Variants in ZNF850 observed in about 807,000 individuals in gnomAD.
ZNF850 encodes putative zinc finger protein ENSP00000330994.
Under a neutral mutation model 11.9 loss-of-function variants are expected in ZNF850, and 2 were observed. The ratio of observed to expected loss-of-function variants is 0.17; its 90% CI spans 0.07 to 0.53. The LOEUF (loss-of-function observed/expected upper bound fraction) is 0.53. ZNF850 is among the 20% of genes least tolerant of loss of function. ZNF850 has a pLI of 0.94. For synonymous variants in ZNF850, 381 were observed against 443.0 expected (o/e 0.86, Z 1.76); for missense variants, 1,014 against 1,316.4 (o/e 0.77, Z 3.55).
chr19:36,763,918 C>G (rs2040534003), intron 1 of ZNF850, among the ~76,000 whole-genome samples: 1 of 150,594 alleles, frequency 6.6e-6, no homozygotes, highest in East Asian at 2.0e-4. Context: ...AGCCTAGGCA[C>G]CAGAGCAAGA....
At chr19:36,759,550 T>C (rs1274489884) in intron 4 of ZNF850, among the ~76,000 whole-genome samples, 3 of 152,096 alleles carry the variant, frequency 2.0e-5, no homozygotes, top group African/African-American at 7.2e-5. Context: ...ATCCAGGACT[T>C]GCTTTAGTTA....
At chr19:36,762,897 T>G (rs1296201040) in intron 1 of ZNF850, among the ~76,000 whole-genome samples, 4 of 152,018 alleles carry the variant, frequency 2.6e-5, no homozygotes, top group African/African-American at 9.7e-5. Flanking sequence ...TTTTTGTTTT[T>G]GTTTTCGTTT....
intron 4 of ZNF850, among the ~76,000 whole-genome samples, chr19:36,758,522 C>T (rs1239813431): frequency 6.6e-6 from 1 of 151,968 alleles, no homozygotes; most frequent in African/African-American, 2.4e-5. Context: ...GCTGGGATTA[C>T]AGGCATGCAG....
Position 36,746,312 on chromosome 19 carries a change from A to C in ZNF850, c.*1455T>G, listed in dbSNP as rs1026484368. 1.3e-5 allele frequency: 2 copies of C among 152,234 alleles called. No homozygotes were observed. Among genetic ancestry groups the C allele is most frequent in the African/African-American group, 2.4e-5 (1 of 41,468 alleles). 9.4% of individuals were successfully genotyped at this position (152,234 alleles called of 1,614,324 possible). ...GCACCACTACTTGTTTTAGGGCATC[A>C]CAAACTGTGTCCATATAAGACAGCA... On this transcript the variant is annotated 3_prime_UTR_variant, in exon 5 of 5. Coordinates refer to ENST00000591344, the MANE Select transcript of ZNF850 (RefSeq NM_001193552.2).
In ZNF850 at chr19:36,750,032, C is replaced by A. The variant is rs186783800; in HGVS notation, c.1008G>T (p.Pro336=). 6.5e-7 allele frequency: 1 copy of A among 1,535,992 alleles called. No homozygotes were observed. Among genetic ancestry groups the A allele is most frequent in the Middle Eastern group, 1.7e-4 (1 of 5,956 alleles). Residue 336 remains proline (P), a synonymous_variant, in exon 5 of 5, where the codon CCG becomes CCT. Coordinates refer to ENST00000591344, the MANE Select transcript of ZNF850 (RefSeq NM_001193552.2). ...ATTTTCCACATTCCTTACAATCATA[C>A]GGTTTCTCACCAGTGTGAATTTGCT... ...RHQQIHTGEK[P]YDCKECGKSF... is the part of the protein sequence containing the mutation.
intron 1 of ZNF850, among the ~76,000 whole-genome samples, chr19:36,771,684 A>T (rs1006034166): frequency 2.0e-5 from 3 of 152,138 alleles, no homozygotes; most frequent in African/African-American, 7.2e-5. Flanking sequence ...AGTCTAAAGC[A>T]TGTCCAAAAA....
In ZNF850 at chr19:36,749,150, T is replaced by C. The variant is rs766972564; in HGVS notation, c.1890A>G (p.Leu630=). Residue 630 remains leucine (L), a synonymous_variant, in exon 5 of 5, where the codon TTA becomes TTG. Transcript: ENST00000591344. ...KECGKAFRLR[L]RLTQHQQIHT... ...GGATTTGTTGATGTTGAGTAAGTCG[T>C]AAACGAAGTCTAAAGGCCTTCCCAC... The C allele has an allele frequency of 1.2e-6, 2 of 1,604,852 alleles. No homozygotes were observed. Among genetic ancestry groups the C allele is most frequent in the East Asian group, 4.5e-5 (2 of 44,584 alleles).
At chr19:36,766,482 A>C (rs2040550211) in intron 1 of ZNF850, among the ~76,000 whole-genome samples, 1 of 152,114 alleles carries the variant, frequency 6.6e-6, no homozygotes, top group South Asian at 2.1e-4. Flanking sequence ...TTACACTTTG[A>C]TTTTTTCTTA....
At chr19:36,768,513 T>C (rs908033104) in intron 1 of ZNF850, among the ~76,000 whole-genome samples, 1 of 152,204 alleles carries the variant, frequency 6.6e-6, no homozygotes, top group African/African-American at 2.4e-5. Context: ...AATGCCACCT[T>C]ATAGTCTGAT....
chr19:36,763,648 G>T (rs1435555630), intron 1 of ZNF850, among the ~76,000 whole-genome samples: 1 of 152,096 alleles, frequency 6.6e-6, no homozygotes, highest in Non-Finnish European at 1.5e-5. Context: ...ATGTACATTG[G>T]CTGGGTGTGG....
chr19:36,754,078 C>T (rs2040470578), intron 4 of ZNF850, among the ~76,000 whole-genome samples: 1 of 149,690 alleles, frequency 6.7e-6, no homozygotes, highest in South Asian at 2.1e-4. Context: ...CTGAGGTATG[C>T]AGATTGCTTG....
intron 4 of ZNF850, among the ~76,000 whole-genome samples, chr19:36,757,550 A>G (rs894416489): frequency 2.3e-5 from 3 of 129,514 alleles, no homozygotes; most frequent in Non-Finnish European, 3.1e-5. Flanking sequence ...TCTGTTGCCC[A>G]GGCTGGAGTG....
intron 1 of ZNF850, among the ~76,000 whole-genome samples, chr19:36,763,453 A>G (rs1024713069): frequency 6.6e-6 from 1 of 151,632 alleles, no homozygotes; most frequent in African/African-American, 2.4e-5. Context: ...CTGAGGCAGG[A>G]GAATTGCTTG....
At chr19:36,761,575 G>T in intron 4 of ZNF850, 68 bp downstream of exon 4, 1 of 877,404 alleles carries the variant, frequency 1.1e-6, no homozygotes, top group Non-Finnish European at 1.8e-6. Flanking sequence ...TACCTGTACG[G>T]TGCTGCCTCC....
chr19:36,768,970 A>T (rs1792471708), intron 1 of ZNF850, among the ~76,000 whole-genome samples: 1 of 141,912 alleles, frequency 7.0e-6, no homozygotes, highest in Non-Finnish European at 1.5e-5. Flanking sequence ...TTTAAAAAAA[A>T]AAAAAAAAGG....
chr19:36,769,772 G>C (rs959132033), intron 1 of ZNF850, among the ~76,000 whole-genome samples: 1 of 152,068 alleles, frequency 6.6e-6, no homozygotes, highest in Non-Finnish European at 1.5e-5. Context: ...AAAATCCAAG[G>C]AGATTTCTCC....
chr19:36,759,367 C>T (rs191546379), intron 4 of ZNF850, among the ~76,000 whole-genome samples: 1 of 152,112 alleles, frequency 6.6e-6, no homozygotes, highest in East Asian at 1.9e-4. Flanking sequence ...CTGAGCTACT[C>T]AGGAGGCAGA....
intron 3 of ZNF850, among the ~76,000 whole-genome samples, 173 bp from the exon 4 acceptor site, chr19:36,761,911 T>G (rs1013687923): frequency 1.3e-5 from 2 of 151,452 alleles, no homozygotes; most frequent in African/African-American, 4.8e-5. Flanking sequence ...CTGGGCATGG[T>G]GGTGGGTGCC....
chr19:36,760,710 C>CA (rs1318728770), intron 4 of ZNF850, among the ~76,000 whole-genome samples: 1 of 151,756 alleles, frequency 6.6e-6, no homozygotes, highest in Admixed American at 6.6e-5. Context: ...ACTGAAAATA[C>CA]AAAAAGTAGC....
Sources: gnomAD v4.1 joint callset for allele counts (sites outside exome capture counted in the v4.1 genomes callset) on GRCh38, gnomAD v4.1.1 for gene constraint, MANE v1.5 for transcripts, NCBI Gene and HGNC (gene_info 2026-07-23, HGNC 2026-07-21) for gene names.